The following CACNA2D3 variants were observed in gnomAD, a reference collection of about 807,000 sequenced individuals.
CACNA2D3 encodes the protein voltage-dependent calcium channel subunit alpha-2/delta-3.
In CACNA2D3, 60 loss-of-function variants were observed where a neutral mutation model predicts 160.6. That is an observed-to-expected ratio of 0.37 (90% CI 0.30 to 0.46). The LOEUF (loss-of-function observed/expected upper bound fraction) is 0.46. Ranked by LOEUF, CACNA2D3 falls within the 20% of genes least tolerant of loss-of-function variation. The pLI, the probability that CACNA2D3 is intolerant of heterozygous loss-of-function variation, is 1.00. For missense variants in CACNA2D3, 1,205 were observed against 1,365.0 expected (o/e 0.88, Z 1.85); for synonymous variants, 558 against 492.9 (o/e 1.13, Z -1.75).
intron 3 of CACNA2D3, among the ~76,000 whole-genome samples, chr3:54,353,997 C>T (rs1698607650): frequency 1.3e-5 from 2 of 152,138 alleles, no homozygotes; most frequent in South Asian, 4.1e-4. Flanking sequence ...GTAGCTTTGG[C>T]CATTATTTTC....
chr3:54,704,561 G>C (rs1000109811), intron 11 of CACNA2D3, among the ~76,000 whole-genome samples: 4 of 152,050 alleles, frequency 2.6e-5, no homozygotes, highest in African/African-American at 9.7e-5. Context: ...TGTTGAGCTA[G>C]TCATTTTCTT....
intron 2 of CACNA2D3, among the ~76,000 whole-genome samples, chr3:54,291,679 A>G (rs1243713171): frequency 6.6e-6 from 1 of 152,194 alleles, no homozygotes; most frequent in Non-Finnish European, 1.5e-5. Context: ...TCTTTTTGAT[A>G]AGATTTAGTG....
rs888604074 is a variant in CACNA2D3 at position 54,867,078 on chromosome 3, A to G, written c.1627-4461A>G. 2.6e-5 allele frequency among the ~76,000 whole-genome samples: 4 copies of G among 152,224 alleles called. No individual in the cohort carries two copies. The East Asian group carries it at 7.7e-4, about 29-fold the overall frequency. On this transcript the variant is annotated intron_variant, in intron 17 of 37. Transcript: ENST00000474759. The stretch of plus-strand genomic sequence containing the variant: ...AATTAGTTAATCACATTTTCAAAGG[A>G]AGTTACAGATTATAGATACACTAAC...
chr3:54,547,834 A>T (rs1335112222), intron 5 of CACNA2D3, among the ~76,000 whole-genome samples: 1 of 151,844 alleles, frequency 6.6e-6, no homozygotes, highest in Non-Finnish European at 1.5e-5. Context: ...ACAGGGATCC[A>T]CCACTGCAGC....
chr3:54,853,717 G>T (rs1699108747), intron 17 of CACNA2D3, among the ~76,000 whole-genome samples: 1 of 152,198 alleles, frequency 6.6e-6, no homozygotes, highest in Non-Finnish European at 1.5e-5. Context: ...CTTAGAGGAA[G>T]GGTGCCCTGA....
chr3:54,716,914 T>G (rs1350509777), intron 11 of CACNA2D3, among the ~76,000 whole-genome samples: 1 of 152,002 alleles, frequency 6.6e-6, no homozygotes, highest in African/African-American at 2.4e-5. Context: ...GGCACTTTTT[T>G]TTTTTTTTTA....
chr3:55,023,284 G>T (rs1351286206), intron 35 of CACNA2D3, among the ~76,000 whole-genome samples: 1 of 152,092 alleles, frequency 6.6e-6, no homozygotes, highest in East Asian at 1.9e-4. Flanking sequence ...AGTGATTCCA[G>T]ATATAAATTC....
chr3:54,738,753 A>G (rs1701580798), intron 11 of CACNA2D3, among the ~76,000 whole-genome samples: 1 of 152,180 alleles, frequency 6.6e-6, no homozygotes, highest in Admixed American at 6.5e-5. Context: ...ATGATCTATG[A>G]TCCCATATGA....
intron 17 of CACNA2D3, among the ~76,000 whole-genome samples, chr3:54,865,910 G>A (rs1245590853): frequency 6.6e-6 from 1 of 152,098 alleles, no homozygotes. Context: ...TCCATCTTAC[G>A]GATAAGGAAA....
At chr3:55,067,402 A>G (rs1448706855) in intron 35 of CACNA2D3, among the ~76,000 whole-genome samples, 2 of 152,156 alleles carry the variant, frequency 1.3e-5, no homozygotes, top group African/African-American at 4.8e-5. Context: ...TACTCTAGGT[A>G]CTTAGTTTTT....
chr3:54,409,660 A>T (rs771219081), intron 4 of CACNA2D3, among the ~76,000 whole-genome samples: 2 of 152,238 alleles, frequency 1.3e-5, no homozygotes, highest in Non-Finnish European at 2.9e-5. Flanking sequence ...GAAGGAAATT[A>T]CAAGTGCTAC....
intron 35 of CACNA2D3, among the ~76,000 whole-genome samples, chr3:55,042,413 T>A (rs2107192680): frequency 6.6e-6 from 1 of 152,286 alleles, no homozygotes. Flanking sequence ...TATGGCCGTC[T>A]TTATCTCTGG....
At chr3:54,914,154 G>A (rs1700613153) in intron 27 of CACNA2D3, among the ~76,000 whole-genome samples, 1 of 152,104 alleles carries the variant, frequency 6.6e-6, no homozygotes, top group African/African-American at 2.4e-5. Flanking sequence ...GTGTAATGTT[G>A]CTTTCCTTTC....
intron 8 of CACNA2D3, among the ~76,000 whole-genome samples, chr3:54,573,699 C>T (rs1702535482): frequency 6.6e-6 from 1 of 152,140 alleles, no homozygotes; most frequent in South Asian, 2.1e-4. Flanking sequence ...CAGGCACCTA[C>T]CAGAATGTCT....
At chr3:54,925,671 A>C (rs1196025259) in intron 27 of CACNA2D3, among the ~76,000 whole-genome samples, 1 of 152,246 alleles carries the variant, frequency 6.6e-6, no homozygotes, top group Non-Finnish European at 1.5e-5. Context: ...TGATGATAGA[A>C]GTGTCCTACA....
At chr3:54,925,657 T>C (rs1452283141) in intron 27 of CACNA2D3, among the ~76,000 whole-genome samples, 1 of 152,218 alleles carries the variant, frequency 6.6e-6, no homozygotes, top group Non-Finnish European at 1.5e-5. Context: ...AATACAACTT[T>C]CTGTGATGAT....
chr3:54,982,261 C>T (rs888530321), intron 29 of CACNA2D3, among the ~76,000 whole-genome samples: 1 of 152,160 alleles, frequency 6.6e-6, no homozygotes, highest in Admixed American at 6.5e-5. Flanking sequence ...GCCTCTAACC[C>T]CCTAAATCCT....
intron 11 of CACNA2D3, among the ~76,000 whole-genome samples, chr3:54,751,643 G>A (rs1024852831): frequency 3.3e-5 from 5 of 152,144 alleles, no homozygotes; most frequent in African/African-American, 1.2e-4. Flanking sequence ...AGCAAAGGCT[G>A]GGGAGGAGCA....
At chr3:54,443,784 C>G (rs1700179750) in intron 4 of CACNA2D3, among the ~76,000 whole-genome samples, 1 of 152,178 alleles carries the variant, frequency 6.6e-6, no homozygotes, top group Admixed American at 6.5e-5. Flanking sequence ...GGAAGGAAAA[C>G]AAGTTTCACG....
Sources: gnomAD v4.1 joint callset for allele counts (sites outside exome capture counted in the v4.1 genomes callset) on GRCh38, gnomAD v4.1.1 for gene constraint, MANE v1.5 for transcripts, NCBI Gene and HGNC (gene_info 2026-07-23, HGNC 2026-07-21) for gene names.